MMRN1: variants seen among roughly 807,000 people sequenced by gnomAD.
MMRN1 encodes multimerin 1.
In MMRN1, 94 loss-of-function variants were observed where a neutral mutation model predicts 100.7. That is an observed-to-expected ratio of 0.93 (90% CI 0.79 to 1.11). The LOEUF is 1.11. MMRN1 is among the 50% of genes least tolerant of loss of function. MMRN1 has a pLI of 0.00. For missense variants in MMRN1, 1,606 were observed against 1,439.1 expected (o/e 1.12, Z -1.88); for synonymous variants, 575 against 505.0 (o/e 1.14, Z -1.86).
intron 1 of MMRN1, among the ~76,000 whole-genome samples, chr4:89,908,445 A>G (rs886125229): frequency 8.6e-5 from 13 of 151,532 alleles, no homozygotes; most frequent in East Asian, 1.9e-4. Context: ...GTGAAAATTC[A>G]TAGAATTTGA....
intron 1 of MMRN1, among the ~76,000 whole-genome samples, chr4:89,882,113 A>G (rs942180519): frequency 6.6e-6 from 1 of 151,842 alleles, no homozygotes; most frequent in Non-Finnish European, 1.5e-5. Context: ...TAATTTAATT[A>G]CTATGATATG....
intron 6 of MMRN1, among the ~76,000 whole-genome samples, chr4:89,938,845 A>C (rs1002107361): frequency 6.6e-6 from 1 of 152,004 alleles, no homozygotes; most frequent in African/African-American, 2.4e-5. Flanking sequence ...TATTTTATTT[A>C]AGCAAAGATA....
intron 6 of MMRN1, among the ~76,000 whole-genome samples, chr4:89,944,965 A>G (rs1722943838): frequency 6.6e-6 from 1 of 152,146 alleles, no homozygotes; most frequent in South Asian, 2.1e-4. Flanking sequence ...CAAGATAGGG[A>G]TCAGTTCCAT....
chr4:89,917,330 C>A (rs1721952595), intron 3 of MMRN1, among the ~76,000 whole-genome samples: 1 of 151,616 alleles, frequency 6.6e-6, no homozygotes, highest in South Asian at 2.1e-4. Flanking sequence ...ATTTTGAACC[C>A]CTGGAAATAA....
chr4:89,914,497 A>G (rs1721852116), intron 3 of MMRN1, among the ~76,000 whole-genome samples: 1 of 151,490 alleles, frequency 6.6e-6, no homozygotes, highest in Admixed American at 6.6e-5. Context: ...ATCAAAAGGA[A>G]ACCAATTTTT....
chr4:89,927,338 G>A (rs1424678331), intron 4 of MMRN1, among the ~76,000 whole-genome samples: 1 of 151,812 alleles, frequency 6.6e-6, no homozygotes, highest in Non-Finnish European at 1.5e-5. Context: ...CCACTTCTTT[G>A]GTTAATTGAA....
rs369300887 is a variant in MMRN1 at position 89,935,415 on chromosome 4, G to C, written c.1735G>C (p.Val579Leu). ...AGAAAGCAAGATTAACAATCTCACCGTCTCTTTGGAGATGGAGAAAGAGTC... is the reference window on the plus strand; with the variant it reads ...AGAAAGCAAGATTAACAATCTCACCCTCTCTTTGGAGATGGAGAAAGAGTC... Reference protein sequence around the residue: ...IQESKINNLTVSLEMEKESLR... With the variant: ...IQESKINNLTLSLEMEKESLR... The change falls in exon 6 of 8, where the codon GTC (valine) becomes CTC (leucine). Residue 579 changes from valine to leucine, a missense_variant. Coordinates refer to ENST00000264790, the MANE Select transcript of MMRN1 (RefSeq NM_007351.3). The C allele has an allele frequency of 5.0e-6, 8 of 1,613,434 alleles. No individual in the cohort carries two copies. Among genetic ancestry groups the C allele is most frequent in the African/African-American group, 1.3e-5 (1 of 75,018 alleles).
chr4:89,895,526 C>G lies in MMRN1; in HGVS notation c.555C>G (p.Ser185Arg). The G allele has an allele frequency of 1.9e-6, 3 of 1,613,762 alleles. No individual in the cohort carries two copies. The highest frequency in any genetic ancestry group is 2.5e-6 in the Non-Finnish European group (3 of 1,179,876). The change falls in exon 1 of 8, where the codon AGC becomes AGG. Residue 185 changes from serine (S) to arginine (R), a missense_variant. Coordinates refer to ENST00000264790, the MANE Select transcript of MMRN1 (RefSeq NM_007351.3). ...GNRAPRETYL[S>R]RGDSSSSQRT... ...GAGCCCCACGGGAAACATACCTCAG[C>G]CGGGGTGACAGCAGTTCCAGCCAAA...
chr4:89,944,544 G>A (rs913801683), intron 6 of MMRN1, among the ~76,000 whole-genome samples: 7 of 152,072 alleles, frequency 4.6e-5, no homozygotes, highest in South Asian at 2.1e-4. Flanking sequence ...TTTAATAGGC[G>A]TGCAGTTATA....
chr4:89,880,963 A>AG lies in MMRN1; in HGVS notation c.-249+1362dup, dbSNP rs1379189902. ...GAGGGAAGAAGTCCATAAAAATGTG[A>AG]GAAAAACTATGTGCTTTCATAAAGT... On this transcript the variant is annotated intron_variant, in intron 1 of 8. Transcript: ENST00000394980. Among the ~76,000 whole-genome samples the AG allele has an allele frequency of 2.6e-5, 4 of 152,304 alleles. No individual in the cohort carries two copies. In the South Asian group the frequency reaches 6.2e-4, roughly 24 times the overall value.
Position 89,936,597 on chromosome 4 carries a change from A to G in MMRN1, c.2917A>G (p.Ile973Val), listed in dbSNP as rs755625081. The change falls in exon 6 of 8, where the codon ATA becomes GTA. Residue 973 changes from isoleucine (I) to valine (V), a missense_variant. Coordinates refer to ENST00000264790, the MANE Select transcript of MMRN1 (RefSeq NM_007351.3). Reference protein sequence around the residue: ...LTEFVEPIIQIKTQAALSNLT... With the variant: ...LTEFVEPIIQVKTQAALSNLT... ...AGAATTTGTGGAACCAATAATTCAA[A>G]TAAAAACTCAAGCTGCCCTATCTAA... The G allele has an allele frequency of 5.0e-6, 8 of 1,611,716 alleles. No individual in the cohort carries two copies. The South Asian group carries it at 7.7e-5, about 16-fold the overall frequency.
intron 1 of MMRN1, among the ~76,000 whole-genome samples, chr4:89,906,715 T>G (rs1721575413): frequency 6.6e-6 from 1 of 151,578 alleles, no homozygotes; most frequent in Non-Finnish European, 1.5e-5. Context: ...TAATATCCCT[T>G]AATGAGCTTA....
At chr4:89,946,890 G>A (rs1459296335) in intron 6 of MMRN1, among the ~76,000 whole-genome samples, 1 of 152,110 alleles carries the variant, frequency 6.6e-6, no homozygotes, top group Non-Finnish European at 1.5e-5. Flanking sequence ...AAGAACTATT[G>A]AACTAATTGC....
intron 1 of MMRN1, among the ~76,000 whole-genome samples, chr4:89,882,358 A>C (rs963900219): frequency 6.6e-6 from 1 of 151,426 alleles, no homozygotes; most frequent in Non-Finnish European, 1.5e-5. Context: ...TTCTTTAATA[A>C]AATTAGAAAA....
chr4:89,942,182 T>G (rs997061858), intron 6 of MMRN1, among the ~76,000 whole-genome samples: 1 of 152,190 alleles, frequency 6.6e-6, no homozygotes, highest in Non-Finnish European at 1.5e-5. Flanking sequence ...ATGCTTGGGT[T>G]CTTTCCCAAG....
intron 1 of MMRN1, among the ~76,000 whole-genome samples, chr4:89,908,753 A>G (rs757964922): frequency 5.9e-5 from 9 of 151,482 alleles, no homozygotes; most frequent in Non-Finnish European, 1.5e-5. Flanking sequence ...ATTTGATTAC[A>G]TTGCTGAATT....
At chr4:89,937,624 T>C (rs948353521) in intron 6 of MMRN1, among the ~76,000 whole-genome samples, 1 of 152,086 alleles carries the variant, frequency 6.6e-6, no homozygotes, top group Non-Finnish European at 1.5e-5. Context: ...TAGGCCTTAG[T>C]TTCTTCCTTT....
intron 3 of MMRN1, among the ~76,000 whole-genome samples, chr4:89,921,356 AC>A (rs1722083334): frequency 6.6e-6 from 1 of 152,114 alleles, no homozygotes; most frequent in Non-Finnish European, 1.5e-5. Flanking sequence ...TGATGCTCAT[AC>A]TGCTGATTAA....
chr4:89,909,122 C>A (rs1721659283), intron 1 of MMRN1, among the ~76,000 whole-genome samples, 154 bp from the exon 2 acceptor site: 2 of 151,352 alleles, frequency 1.3e-5, no homozygotes, highest in Non-Finnish European at 3.0e-5. Context: ...GTTATTTTCT[C>A]TTATATTTAA....
Sources: gnomAD v4.1 joint callset for allele counts (sites outside exome capture counted in the v4.1 genomes callset) on GRCh38, gnomAD v4.1.1 for gene constraint, MANE v1.5 for transcripts, NCBI Gene and HGNC (gene_info 2026-07-23, HGNC 2026-07-21) for gene names.